KCNG3: variants seen among roughly 807,000 people sequenced by gnomAD.
KCNG3 encodes the protein potassium voltage-gated channel modifier subfamily G member 3.
KCNG3 carries 15 observed loss-of-function variants against 29.0 expected under a neutral mutation model. The ratio of observed to expected loss-of-function variants is 0.52; its 90% confidence interval spans 0.35 to 0.80. The LOEUF is 0.80. Ranked by LOEUF, KCNG3 falls within the 30% of genes least tolerant of loss-of-function variation. KCNG3 has a pLI of 0.01. For missense variants in KCNG3, 512 were observed against 605.7 expected, an observed-to-expected ratio of 0.85 and a Z score of 1.62; for synonymous variants, 322 against 248.9, an observed-to-expected ratio of 1.29 and a Z score of -2.76.
At chr2:42,480,169 T>C (rs559858305) in intron 1 of KCNG3, among the ~76,000 whole-genome samples, 49 of 152,306 alleles carry the variant, frequency 3.2e-4, no homozygotes, top group Non-Finnish European at 6.0e-4. Context: ...TTTGGGGAAA[T>C]AGAACACTCT....
At chr2:42,477,708 G>C (rs773972872) in intron 1 of KCNG3, among the ~76,000 whole-genome samples, 1 of 151,752 alleles carries the variant, frequency 6.6e-6, no homozygotes, top group Non-Finnish European at 1.5e-5. Context: ...GCGAAAATCC[G>C]TCTCTATTAA....
At chr2:42,415,719 G>A in the KCNG3 span, among the ~76,000 whole-genome samples, 1 of 151,892 alleles carries the variant, frequency 6.6e-6, no homozygotes, top group East Asian at 1.9e-4. Flanking sequence ...TGACAGAGTA[G>A]ACTCTGTCTC....
intron 1 of KCNG3, among the ~76,000 whole-genome samples, chr2:42,480,097 A>G (rs1237205693): frequency 6.6e-6 from 1 of 152,208 alleles, no homozygotes; most frequent in Non-Finnish European, 1.5e-5. Context: ...CACACCAACC[A>G]TAAAAGCCCC....
chr2:42,433,699 C>G, the KCNG3 span, among the ~76,000 whole-genome samples: 2 of 152,112 alleles, frequency 1.3e-5, no homozygotes, highest in African/African-American at 4.8e-5. Flanking sequence ...GATGGTGCCA[C>G]TGCACTCCAG....
chr2:42,389,021 G>A, the KCNG3 span, among the ~76,000 whole-genome samples: 1 of 152,024 alleles, frequency 6.6e-6, no homozygotes, highest in Non-Finnish European at 1.5e-5. Flanking sequence ...AGGTTCACGC[G>A]ATTCTCCTGT....
chr2:42,437,721 TAA>T (rs762884019), downstream of KCNG3, among the ~76,000 whole-genome samples: 13 of 152,104 alleles, frequency 8.5e-5, no homozygotes, highest in Non-Finnish European at 1.5e-4. Flanking sequence ...GCAGACCACA[TAA>T]AGTCAGGAGA....
the KCNG3 span, among the ~76,000 whole-genome samples, chr2:42,423,176 C>G: frequency 0.016 from 2,393 of 152,292 alleles, 69 homozygotes; most frequent in African/African-American, 0.055. Flanking sequence ...AACTCTTTCC[C>G]ACCAAAAGCT....
chr2:42,480,722 C>T (rs2103727994), intron 1 of KCNG3, among the ~76,000 whole-genome samples: 1 of 135,362 alleles, frequency 7.4e-6, no homozygotes, highest in South Asian at 2.3e-4. Flanking sequence ...AGCTCGAGTT[C>T]AAGACCAGCC....
chr2:42,411,743 A>G, the KCNG3 span, among the ~76,000 whole-genome samples: 1 of 152,198 alleles, frequency 6.6e-6, no homozygotes, highest in Non-Finnish European at 1.5e-5. Context: ...TCGGTCTCCC[A>G]AAGTGCTGGA....
chr2:42,451,861 CT>C (rs2103673741), intron 1 of KCNG3, among the ~76,000 whole-genome samples: 1 of 151,934 alleles, frequency 6.6e-6, no homozygotes, highest in African/African-American at 2.4e-5. Context: ...GATCTTGCCA[CT>C]ACACTCCAGC....
At chr2:42,470,853 T>C (rs1673266946) in intron 1 of KCNG3, among the ~76,000 whole-genome samples, 1 of 145,732 alleles carries the variant, frequency 6.9e-6, no homozygotes, top group South Asian at 2.2e-4. Flanking sequence ...CAAGACCTTG[T>C]CTCAAAAAAA....
At chr2:42,490,374 G>A (rs1449591219) in intron 1 of KCNG3, among the ~76,000 whole-genome samples, 1 of 151,976 alleles carries the variant, frequency 6.6e-6, no homozygotes, top group African/African-American at 2.4e-5. Flanking sequence ...TCAGGAGTTC[G>A]AGACCAGTCT....
chr2:42,428,459 GAAA>G, the KCNG3 span, among the ~76,000 whole-genome samples: 1 of 123,676 alleles, frequency 8.1e-6, no homozygotes. Flanking sequence ...CCGGTCTCGG[GAAA>G]AAAAAAAAAA....
At chr2:42,441,132 G>C (rs1391485257), downstream of KCNG3, among the ~76,000 whole-genome samples, 1 of 152,192 alleles carries the variant, frequency 6.6e-6, no homozygotes, top group Non-Finnish European at 1.5e-5. Flanking sequence ...CATAATCCCA[G>C]AGCTTTGAGA....
At chr2:42,457,783 T>C (rs956396974) in intron 1 of KCNG3, among the ~76,000 whole-genome samples, 2 of 150,772 alleles carry the variant, frequency 1.3e-5, no homozygotes, top group African/African-American at 2.4e-5. Context: ...ACCACTGCAC[T>C]CCAGCCTGGG....
the KCNG3 span, chr2:42,425,036 C>T: frequency 3.3e-5 from 5 of 152,190 alleles, no homozygotes; most frequent in South Asian, 2.1e-4. Context: ...CCTCAGGAAA[C>T]CCCCTCCTGG....
At chr2:42,473,359 T>G (rs1181539933) in intron 1 of KCNG3, among the ~76,000 whole-genome samples, 4 of 151,728 alleles carry the variant, frequency 2.6e-5, no homozygotes, top group African/African-American at 9.7e-5. Context: ...TTTTTTTTTG[T>G]TTGTTTTTTT....
At chr2:42,411,963 G>A in the KCNG3 span, among the ~76,000 whole-genome samples, 5 of 152,320 alleles carry the variant, frequency 3.3e-5, no homozygotes, top group East Asian at 9.6e-4. Context: ...ATATGATTTA[G>A]CTTTGATGAA....
At chr2:42,429,705 G>C in the KCNG3 span, among the ~76,000 whole-genome samples, 8 of 152,142 alleles carry the variant, frequency 5.3e-5, no homozygotes, top group African/African-American at 1.9e-4. Flanking sequence ...CCAGGGCAGG[G>C]AGCCTAGCTT....
Sources: allele counts gnomAD v4.1 joint callset (sites outside exome capture counted in the v4.1 genomes callset), GRCh38; gene constraint gnomAD v4.1.1; transcripts MANE v1.5; gene names NCBI Gene and HGNC (gene_info 2026-07-23, HGNC 2026-07-21).